The following RSRC2 variants were observed in gnomAD, a reference collection of about 807,000 sequenced individuals.
The protein encoded by RSRC2 is arginine and serine rich coiled-coil 2.
In RSRC2, 5 loss-of-function variants were observed where a neutral mutation model predicts 61.3. The ratio of observed to expected loss-of-function variants is 0.08; its 90% CI spans 0.04 to 0.17. The LOEUF is 0.17. Among genes scored for constraint, RSRC2 ranks in the 10% least tolerant of loss-of-function variants. The pLI, the probability that RSRC2 is intolerant of heterozygous loss-of-function variation, is 1.00. For missense variants in RSRC2, 381 were observed against 518.8 expected (o/e 0.73, Z 2.58); for synonymous variants, 202 against 166.5 (o/e 1.21, Z -1.64).
intron 8 of RSRC2, among the ~76,000 whole-genome samples, chr12:122,507,662 GCTTATT>G (rs1395875296): frequency 2.0e-5 from 3 of 151,154 alleles, no homozygotes; most frequent in East Asian, 3.9e-4. Context: ...GACTATCATA[GCTTATT>G]ATAAGTTTTT....
Position 122,505,497 on chromosome 12 carries a change from A to G in RSRC2, c.*30T>C. 6.2e-7 allele frequency: 1 copy of G among 1,602,128 alleles called. No homozygotes were observed. The highest frequency in any genetic ancestry group is 8.5e-7 in the Non-Finnish European group (1 of 1,171,544). ...CGTGACATCAGAACAAGAAGTCTAT[A>G]AGTCCCAAACTTTACAAGTGTGATC... On this transcript the variant is annotated 3_prime_UTR_variant, in exon 10 of 10. Transcript: ENST00000331738.
Position 122,506,925 on chromosome 12 carries a change from TG to T in RSRC2, c.1036-3del. Reference sequence around the variant, plus strand: ...TATTTCAGCAGATTGGGATTTGTCCTGTTAACAAACACTGAACTTTAAAATA... The same window carrying T: ...TATTTCAGCAGATTGGGATTTGTCCTTTAACAAACACTGAACTTTAAAATA... On this transcript the variant is annotated splice_polypyrimidine_tract_variant and splice_region_variant and intron_variant, in intron 8 of 9. Coordinates refer to ENST00000331738, the MANE Select transcript of RSRC2 (RefSeq NM_023012.6). The T allele has an allele frequency of 6.5e-7, 1 of 1,546,980 alleles. No homozygotes were observed. Among genetic ancestry groups the T allele is most frequent in the Non-Finnish European group, 8.9e-7 (1 of 1,120,528 alleles).
intron 4 of RSRC2, 111 bp downstream of exon 4, chr12:122,518,728 A>G (rs1401127134): frequency 2.3e-6 from 2 of 882,924 alleles, no homozygotes; most frequent in African/African-American, 3.3e-5. Flanking sequence ...AAACCCAAAC[A>G]AACGAACAAG....
At chr12:122,518,802 G>A (rs754655566) in intron 4 of RSRC2, 37 bp downstream of exon 4, 15 of 1,506,194 alleles carry the variant, frequency 1.0e-5, no homozygotes, top group Non-Finnish European at 1.4e-5. Context: ...TATGTAACTT[G>A]TTAGAAGGTA....
intron 5 of RSRC2, among the ~76,000 whole-genome samples, chr12:122,516,271 G>A (rs187361862): frequency 4.6e-5 from 7 of 152,166 alleles, no homozygotes; most frequent in East Asian, 3.9e-4. Flanking sequence ...AGAGAATAAC[G>A]CATTCATTGA....
intron 3 of RSRC2, 109 bp from the exon 4 acceptor site, chr12:122,519,138 T>C: frequency 1.3e-6 from 1 of 775,080 alleles, no homozygotes. Context: ...ACCTTAGGAG[T>C]GTGTGGCAAA....
At chr12:122,520,683 C>T (rs1046598194) in intron 3 of RSRC2, 40 of 753,936 alleles carry the variant, frequency 5.3e-5, no homozygotes, top group Non-Finnish European at 7.5e-5. Context: ...GCTTCCATTA[C>T]GGGAAGAGGT....
intron 6 of RSRC2, among the ~76,000 whole-genome samples, chr12:122,511,565 G>A (rs938410941): frequency 4.6e-5 from 7 of 152,040 alleles, no homozygotes; most frequent in African/African-American, 1.7e-4. Context: ...GTTTCTTGAG[G>A]GAGAAAAAGC....
At position 122,507,978 on chromosome 12, in the gene RSRC2, C is replaced by A. The variant is rs1197952222; in HGVS notation, c.1035+240G>T. 1.3e-5 allele frequency: 7 copies of A among 543,438 alleles called. No homozygotes were observed. In the East Asian group the frequency reaches 2.3e-4, roughly 18 times the overall value. 33.7% of individuals were successfully genotyped at this position (543,438 alleles called of 1,614,324 possible). ...ACCACACCCAGCTGATTTTTATCTTCTTTTCAGTAGAGACAGGGTTTTGCC... is the reference window on the plus strand; with the variant it reads ...ACCACACCCAGCTGATTTTTATCTTATTTTCAGTAGAGACAGGGTTTTGCC... On this transcript the variant is annotated intron_variant, in intron 8 of 9. Transcript: ENST00000331738.
Position 122,521,392 on chromosome 12 carries a change from C to A in RSRC2, c.200G>T (p.Ser67Ile). The change falls in exon 3 of 10, where the codon AGC becomes ATC. Residue 67 changes from serine (S) to isoleucine (I), a missense_variant. Around this residue, in one of 4 missense-constraint regions of RSRC2, gnomAD observed 266 missense variants for 270.5 expected, o/e 0.98. Transcript: ENST00000331738. ...EGRKHRSRSR[S>I]KEGRRHESKD... ...CTACAAAGTGTTAATTACCTCTTTG[C>A]TTCTGCTCCGGCTCCTGTGTTTTCT... 1 of 1,611,612 alleles carries A rather than the reference C, an allele frequency of 6.2e-7. No homozygotes were observed. The highest frequency in any genetic ancestry group is 1.1e-5 in the South Asian group (1 of 90,998).
At chr12:122,514,590 A>G in intron 6 of RSRC2, 1 of 1,042,202 alleles carries the variant, frequency 9.6e-7, no homozygotes, top group Non-Finnish European at 1.2e-6. Flanking sequence ...TTAAAAAAAA[A>G]AAAAAAAAGT....
rs1246153684 is a variant in RSRC2, at chr12:122,503,739, G to T, written c.*1788C>A. Reference sequence around the variant, plus strand: ...CACGGTGAAAAGCCATTTTGCCATAGAATTTCTGTGCTCTGGGAAAATGAA... The same window carrying T: ...CACGGTGAAAAGCCATTTTGCCATATAATTTCTGTGCTCTGGGAAAATGAA... On this transcript the variant is annotated 3_prime_UTR_variant, in exon 10 of 10. Transcript: ENST00000331738. 6.6e-6 allele frequency: 1 copy of T among 152,190 alleles called. No individual in the cohort carries two copies. The highest frequency in any genetic ancestry group is 2.4e-5 in the African/African-American group (1 of 41,452). 9.4% of individuals were successfully genotyped at this position (152,190 alleles called of 1,614,324 possible).
chr12:122,506,623 T>C, intron 9 of RSRC2: 1 of 463,332 alleles, frequency 2.2e-6, no homozygotes, highest in Non-Finnish European at 3.8e-6. Flanking sequence ...CGTCTCTCTC[T>C]CTCTCTCCAA....
At chr12:122,516,008 G>A (rs901609980) in intron 5 of RSRC2, among the ~76,000 whole-genome samples, 1 of 151,758 alleles carries the variant, frequency 6.6e-6, no homozygotes, top group African/African-American at 2.4e-5. Context: ...AAAAAAACTA[G>A]ATGTCAGTGA....
intron 6 of RSRC2, among the ~76,000 whole-genome samples, chr12:122,514,200 T>C (rs1427175423): frequency 3.3e-5 from 5 of 152,182 alleles, no homozygotes; most frequent in Admixed American, 6.6e-5. Context: ...ATAGTCGTGC[T>C]GTGTGTGGTT....
rs761430752 is a variant in RSRC2 at position 122,511,206 on chromosome 12, A to G, written c.726-18T>C. The G allele has an allele frequency of 5.1e-5, 79 of 1,564,218 alleles. No individual in the cohort carries two copies. Among genetic ancestry groups the G allele is most frequent in the Non-Finnish European group, 6.7e-5 (77 of 1,142,526 alleles). ...TTTCCAACCTGCAAAATTAATTTCA[A>G]TGAATTTAAAATAACACAATATAAA... On this transcript the variant is annotated intron_variant, in intron 6 of 9. Coordinates refer to ENST00000331738, the MANE Select transcript of RSRC2 (RefSeq NM_023012.6).
intron 1 of RSRC2, 67 bp downstream of exon 1, chr12:122,526,781 C>T (rs371792034): frequency 4.0e-5 from 62 of 1,567,174 alleles, no homozygotes; most frequent in Non-Finnish European, 5.4e-5. Context: ...GTTCTGGGAG[C>T]CGTTCACCCA....
At chr12:122,520,618 G>C (rs781685843) in intron 3 of RSRC2, 1 of 1,305,218 alleles carries the variant, frequency 7.7e-7, no homozygotes, top group Non-Finnish European at 1.0e-6. Context: ...TATCATGTGA[G>C]CTAAACAAAA....
intron 8 of RSRC2, chr12:122,507,169 G>T: frequency 2.1e-6 from 1 of 486,024 alleles, no homozygotes; most frequent in Non-Finnish European, 3.7e-6. Context: ...CCTGAGGTCA[G>T]GGGATCGAGA....
Sources: allele counts gnomAD v4.1 joint callset (sites outside exome capture counted in the v4.1 genomes callset), GRCh38; gene constraint gnomAD v4.1.1; regional missense constraint gnomAD v4.1.1; transcripts MANE v1.5; gene names NCBI Gene and HGNC (gene_info 2026-07-23, HGNC 2026-07-21).